ZNF367: variants seen among roughly 807,000 people sequenced by gnomAD.
ZNF367 encodes the protein C2H2 zinc finger protein ZFF29.
In ZNF367, 11 loss-of-function variants were observed where a neutral mutation model predicts 31.8. That is an observed-to-expected ratio of 0.35 (90% CI 0.22 to 0.57). The LOEUF (loss-of-function observed/expected upper bound fraction) is 0.57. Among genes scored for constraint, ZNF367 ranks in the 20% least tolerant of loss-of-function variants. ZNF367 has a pLI of 0.85. For missense variants in ZNF367, 353 were observed against 484.1 expected (o/e 0.73, Z 2.54); for synonymous variants, 199 against 202.4 (o/e 0.98, Z 0.14).
Position 96,392,555 on chromosome 9 carries a change from A to G in ZNF367, c.692-19T>C, listed in dbSNP as rs767246032. 6.3e-7 allele frequency: 1 copy of G among 1,584,502 alleles called. No homozygotes were observed. The highest frequency in any genetic ancestry group is 1.7e-5 in the Admixed American group (1 of 57,870). ...AGGCAGCCTTCAAAACACAAGGTTA[A>G]CACCTGTCAGGATCTGGACATCCAG... is the stretch of plus-strand genomic sequence containing the variant. On this transcript the variant is annotated intron_variant, in intron 3 of 4. Transcript: ENST00000375256.
Position 96,387,903 on chromosome 9 carries a change from A to T in ZNF367, c.*334T>A. On this transcript the variant is annotated 3_prime_UTR_variant, in exon 5 of 5. Transcript: ENST00000375256. Reference sequence around the variant, plus strand: ...CTATTTGTACCATTCTGTTTTTCAAACAAGTGTCTTATTCAGAAAGTGCTT... The same window carrying T: ...CTATTTGTACCATTCTGTTTTTCAATCAAGTGTCTTATTCAGAAAGTGCTT... The T allele has an allele frequency of 4.0e-6, 1 of 247,654 alleles. No individual in the cohort carries two copies. The highest frequency in any genetic ancestry group is 7.9e-5 in the East Asian group (1 of 12,698). 15.3% of individuals were successfully genotyped at this position (247,654 alleles called of 1,614,324 possible). A position where few individuals can be genotyped will look rare whatever the true frequency, so the allele number is the denominator to read the frequency against.
intron 1 of ZNF367, among the ~76,000 whole-genome samples, chr9:96,405,685 C>T (rs935837634): frequency 2.0e-5 from 3 of 151,856 alleles, no homozygotes; most frequent in African/African-American, 7.3e-5. Flanking sequence ...AAAAAAGAAG[C>T]CAAACACAAA....
rs541050826 is a variant in ZNF367, at chr9:96,414,221, TTCTG to T, written c.420+3388_420+3391del. Among the ~76,000 whole-genome samples the T allele has an allele frequency of 1.3e-4, 20 of 152,330 alleles. No individual in the cohort carries two copies. In the East Asian group the frequency reaches 3.9e-3, roughly 29 times the overall value. ...TTAAATAAAGGTGTATTCCAGACCC[TTCTG>T]TCTTACGGTGGGAAAGCTAAATAAA... On this transcript the variant is annotated intron_variant, in intron 1 of 4. Coordinates refer to ENST00000375256, the MANE Select transcript of ZNF367 (RefSeq NM_153695.4).
chr9:96,394,274 T>C (rs959094771), intron 3 of ZNF367, among the ~76,000 whole-genome samples: 5 of 152,118 alleles, frequency 3.3e-5, no homozygotes, highest in Admixed American at 6.6e-5. Flanking sequence ...ATTTGTGGGA[T>C]CTAAATATCA....
At chr9:96,407,488 C>G in intron 1 of ZNF367, 1 of 1,293,424 alleles carries the variant, frequency 7.7e-7, no homozygotes, top group South Asian at 1.2e-5. Context: ...ATCAAAGATG[C>G]ATGAAAAGAA....
At chr9:96,408,337 G>A (rs1831699135) in intron 1 of ZNF367, among the ~76,000 whole-genome samples, 1 of 152,138 alleles carries the variant, frequency 6.6e-6, no homozygotes, top group Non-Finnish European at 1.5e-5. Flanking sequence ...ATTCACAATC[G>A]ATAGCAACCC....
chr9:96,411,253 C>A (rs554641932), intron 1 of ZNF367, among the ~76,000 whole-genome samples: 1 of 151,914 alleles, frequency 6.6e-6, no homozygotes, highest in Non-Finnish European at 1.5e-5. Flanking sequence ...AGTATTTTTA[C>A]ATATGTAAGA....
intron 1 of ZNF367, among the ~76,000 whole-genome samples, chr9:96,408,036 G>C (rs1197626428): frequency 6.6e-6 from 1 of 151,712 alleles, no homozygotes; most frequent in Non-Finnish European, 1.5e-5. Context: ...ACACAGGAAG[G>C]GGAACATCAC....
At chr9:96,395,272 C>G (rs1295952415) in intron 2 of ZNF367, among the ~76,000 whole-genome samples, 2 of 152,192 alleles carry the variant, frequency 1.3e-5, no homozygotes, top group Non-Finnish European at 1.5e-5. Context: ...TCAGCTTCCC[C>G]TGGTCAGACG....
At chr9:96,411,478 A>C (rs1831749040) in intron 1 of ZNF367, among the ~76,000 whole-genome samples, 1 of 151,962 alleles carries the variant, frequency 6.6e-6, no homozygotes, top group African/African-American at 2.4e-5. Flanking sequence ...TGGGAGGATC[A>C]CTTGAGAGTG....
chr9:96,408,289 C>T (rs888227470), intron 1 of ZNF367, among the ~76,000 whole-genome samples: 16 of 152,290 alleles, frequency 1.1e-4, no homozygotes, highest in Non-Finnish European at 1.9e-4. Flanking sequence ...AACAGAATCT[C>T]AAAGACATAT....
chr9:96,417,027 G>A lies in ZNF367; in HGVS notation c.420+586C>T, dbSNP rs978316751. Among the ~76,000 whole-genome samples, 8 of 152,244 alleles carry A rather than the reference G, an allele frequency of 5.3e-5. No homozygotes were observed. The highest frequency in any genetic ancestry group is 4.6e-4 in the Admixed American group (7 of 15,288). ...GTAACGACCTTCCCAGCTTTAAGCAGTCGGAGACTGCAAGCAATTTTAGCG... is the reference window on the plus strand; with the variant it reads ...GTAACGACCTTCCCAGCTTTAAGCAATCGGAGACTGCAAGCAATTTTAGCG... On this transcript the variant is annotated intron_variant, in intron 1 of 4. Transcript: ENST00000375256. This position sits in a 1 kb window ranked among gnomAD's most constrained non-coding sequence, Gnocchi z 5.0.
chr9:96,402,319 T>C (rs985361508), intron 1 of ZNF367, among the ~76,000 whole-genome samples: 2 of 151,966 alleles, frequency 1.3e-5, no homozygotes, highest in African/African-American at 2.4e-5. Context: ...GAAAAACTTA[T>C]AACTTTTAGA....
Position 96,417,707 on chromosome 9 carries a change from C to T in ZNF367, c.326G>A (p.Arg109Gln), listed in dbSNP as rs929721920. ...AAAEHSGLRG[R>Q]GAPPPAASAS... ...CGAGGCGGCGGGCGGGGGCGCGCCC[C>T]GGCCACGAAGCCCCGAGTGCTCGGC... Residue 109 changes from arginine (R) to glutamine (Q), a missense_variant, in exon 1 of 5, where the codon CGG (arginine) becomes CAG (glutamine). By Grantham distance (43) the Arg-to-Gln change is conservative (BLOSUM62 1). Around this residue, in one of 5 missense-constraint regions of ZNF367, gnomAD observed 70 missense variants for 57.1 expected, o/e 1.23. Coordinates refer to ENST00000375256, the MANE Select transcript of ZNF367 (RefSeq NM_153695.4). This position sits in a 1 kb window ranked among gnomAD's most constrained non-coding sequence, Gnocchi z 5.0. The T allele has an allele frequency of 2.1e-5, 25 of 1,195,184 alleles. No homozygotes were observed. Among genetic ancestry groups the T allele is most frequent in the Non-Finnish European group, 2.6e-5 (25 of 959,982 alleles). The allele number at this position is 1,195,184 out of a possible 1,614,324, so 74.0% of individuals were successfully genotyped here.
chr9:96,418,261 G>T lies in ZNF367; in HGVS notation c.-229C>A. On this transcript the variant is annotated 5_prime_UTR_variant, in exon 1 of 5. Coordinates refer to ENST00000375256, the MANE Select transcript of ZNF367 (RefSeq NM_153695.4). ...GCGCGCCCTCCGCTCTTTGTACTCC[G>T]CAGCGCAGGCTGCAGGGGTGGGAAG... 1 of 527,426 alleles carries T rather than the reference G, an allele frequency of 1.9e-6. No homozygotes were observed. Among genetic ancestry groups the T allele is most frequent in the Non-Finnish European group, 2.9e-6 (1 of 344,638 alleles). The allele number at this position is 527,426 out of a possible 1,614,324, so 32.7% of individuals were successfully genotyped here.
chr9:96,389,730 A>AT (rs1345814846), intron 4 of ZNF367, among the ~76,000 whole-genome samples: 1 of 148,838 alleles, frequency 6.7e-6, no homozygotes, highest in Non-Finnish European at 1.5e-5. Flanking sequence ...GTTTTTATTT[A>AT]TTTTTATTTT....
At chr9:96,402,636 T>A (rs1831622052) in intron 1 of ZNF367, among the ~76,000 whole-genome samples, 1 of 140,966 alleles carries the variant, frequency 7.1e-6, no homozygotes, top group Non-Finnish European at 1.5e-5. Context: ...TTTTTTTTTT[T>A]TTTTTTTTTG....
At chr9:96,407,401 A>G (rs1831684480) in intron 1 of ZNF367, 1 of 1,482,512 alleles carries the variant, frequency 6.7e-7, no homozygotes, top group African/African-American at 1.4e-5. Context: ...AAAGAAGGCA[A>G]AGAAAATGAT....
At chr9:96,407,435 A>T in intron 1 of ZNF367, 1 of 1,425,700 alleles carries the variant, frequency 7.0e-7, no homozygotes, top group Non-Finnish European at 9.9e-7. Flanking sequence ...AAGCTTTAAC[A>T]TAAACAGCGC....
Sources: allele counts gnomAD v4.1 joint callset (sites outside exome capture counted in the v4.1 genomes callset), GRCh38; gene constraint gnomAD v4.1.1; regional missense constraint gnomAD v4.1.1; non-coding constraint Gnocchi (gnomAD v3.1); transcripts MANE v1.5; gene names NCBI Gene and HGNC (gene_info 2026-07-23, HGNC 2026-07-21).